The following QKI variants were observed in gnomAD, a reference collection of about 807,000 sequenced individuals.
The protein encoded by QKI is QKI, KH domain containing RNA binding, also known as KH domain-containing RNA-binding protein QKI.
Under a neutral mutation model 39.0 loss-of-function variants are expected in QKI, and 10 were observed. The ratio of observed to expected loss-of-function variants is 0.26; its 90% CI spans 0.16 to 0.43. The LOEUF is 0.43. QKI is among the 20% of genes least tolerant of loss of function. The pLI is 1.00. For missense variants in QKI, 218 were observed against 428.0 expected (o/e 0.51, Z 4.33); for synonymous variants, 204 against 155.4 (o/e 1.31, Z -2.33).
At position 163,415,251 on chromosome 6, in the gene QKI, C is replaced by G; in HGVS notation, c.58C>G (p.Gln20Glu). ...KPKPTPDYLM[Q>E]LMNDKKLMSS... ...GAAGCCCACCCCAGATTACCTGATG[C>G]AGCTGATGAACGACAAGAAGCTCAT... Residue 20 changes from glutamine (Q) to glutamate (E), a missense_variant, in exon 1 of 8, where the codon CAG (glutamine) becomes GAG (glutamate). This residue lies in a region of QKI where 40 missense variants were observed against 48.7 expected (regional missense o/e 0.82). Transcript: ENST00000361752. 1.3e-6 allele frequency: 2 copies of G among 1,598,536 alleles called. No homozygotes were observed. The highest frequency in any genetic ancestry group is 1.7e-6 in the Non-Finnish European group (2 of 1,170,334).
chr6:163,480,259 TTCTCTCTC>T (rs372934674), intron 3 of QKI, among the ~76,000 whole-genome samples: 14 of 149,554 alleles, frequency 9.4e-5, no homozygotes, highest in African/African-American at 2.9e-4. Context: ...GTCTGTCTCT[TTCTCTCTC>T]TCTCTCTCTC....
At chr6:163,562,837 A>G (rs1290854234) in intron 5 of QKI, among the ~76,000 whole-genome samples, 5 of 152,240 alleles carry the variant, frequency 3.3e-5, no homozygotes, top group Admixed American at 3.3e-4. Flanking sequence ...AATTGTTGAC[A>G]TTAATTTACT....
intron 1 of QKI, among the ~76,000 whole-genome samples, chr6:163,425,179 A>G (rs544627165): frequency 2.0e-5 from 3 of 152,314 alleles, no homozygotes; most frequent in South Asian, 2.1e-4. Flanking sequence ...AACAGCTGGT[A>G]TGATTTAATG....
intron 1 of QKI, among the ~76,000 whole-genome samples, chr6:163,452,169 T>C (rs1389117144): frequency 6.6e-6 from 1 of 152,208 alleles, no homozygotes; most frequent in East Asian, 1.9e-4. Flanking sequence ...CAGAACTTGC[T>C]CTGACTCGAG....
Position 163,571,446 on chromosome 6 carries a change from A to G in QKI, c.*736A>G, listed in dbSNP as rs1326292785. On this transcript the variant is annotated 3_prime_UTR_variant, in exon 8 of 8. Coordinates refer to ENST00000361752, the MANE Select transcript of QKI (RefSeq NM_006775.3). ...CTGAATCTTTATTTTACACCTAAAAAAATATGAGAACAAGGTACATGCATT... is the reference window on the plus strand; with the variant it reads ...CTGAATCTTTATTTTACACCTAAAAGAATATGAGAACAAGGTACATGCATT... 6.6e-6 allele frequency: 1 copy of G among 152,236 alleles called. No individual in the cohort carries two copies. The highest frequency in any genetic ancestry group is 2.4e-5 in the African/African-American group (1 of 41,460). 9.4% of individuals were successfully genotyped at this position (152,236 alleles called of 1,614,324 possible). A position where few individuals can be genotyped will look rare whatever the true frequency, so the allele number is the denominator to read the frequency against.
chr6:163,538,086 T>G (rs1781310288), intron 4 of QKI, among the ~76,000 whole-genome samples: 1 of 152,234 alleles, frequency 6.6e-6, no homozygotes, highest in Non-Finnish European at 1.5e-5. Flanking sequence ...TTTGAATTTC[T>G]TAAAGCTTCA....
At chr6:163,429,434 T>C (rs1443183765) in intron 1 of QKI, among the ~76,000 whole-genome samples, 1 of 152,190 alleles carries the variant, frequency 6.6e-6, no homozygotes, top group Admixed American at 6.5e-5. Context: ...TCCTTGCCAT[T>C]TCATATTCTT....
chr6:163,450,611 A>G (rs1414678691), intron 1 of QKI, among the ~76,000 whole-genome samples: 2 of 152,172 alleles, frequency 1.3e-5, no homozygotes, highest in African/African-American at 2.4e-5. Flanking sequence ...GAATTAACTG[A>G]CAGTTGAGCC....
At chr6:163,530,257 T>C (rs1056077500) in intron 3 of QKI, among the ~76,000 whole-genome samples, 4 of 152,200 alleles carry the variant, frequency 2.6e-5, no homozygotes, top group Non-Finnish European at 4.4e-5. Context: ...TACAGCATTT[T>C]TGGTGTGCGT....
At chr6:163,449,440 CAGAT>C (rs1017602106) in intron 1 of QKI, among the ~76,000 whole-genome samples, 47 of 152,108 alleles carry the variant, frequency 3.1e-4, no homozygotes, top group Non-Finnish European at 4.9e-4. Flanking sequence ...AAAGAAACAG[CAGAT>C]AGATACCCAG....
intron 2 of QKI, chr6:163,457,250 A>G: frequency 2.2e-6 from 1 of 449,162 alleles, no homozygotes; most frequent in South Asian, 1.6e-5. Flanking sequence ...CATCTCTTAA[A>G]AAAAGAAATC....
At chr6:163,445,011 C>T (rs557390530) in intron 1 of QKI, among the ~76,000 whole-genome samples, 72 of 152,136 alleles carry the variant, frequency 4.7e-4, no homozygotes, top group African/African-American at 1.7e-3. Flanking sequence ...TGGGCTCAAG[C>T]GATCTTTCCA....
intron 1 of QKI, among the ~76,000 whole-genome samples, chr6:163,431,028 C>G (rs1031848576): frequency 3.3e-5 from 5 of 152,038 alleles, no homozygotes; most frequent in Admixed American, 6.6e-5. Context: ...TTCTTTTATT[C>G]TTGGTACTAG....
At chr6:163,523,905 A>G (rs1331437066) in intron 3 of QKI, among the ~76,000 whole-genome samples, 1 of 152,220 alleles carries the variant, frequency 6.6e-6, no homozygotes, top group Non-Finnish European at 1.5e-5. Flanking sequence ...GATCTTAAGT[A>G]TCATTTTAGA....
intron 4 of QKI, among the ~76,000 whole-genome samples, chr6:163,539,192 G>A (rs1425524575): frequency 6.6e-6 from 1 of 152,184 alleles, no homozygotes; most frequent in African/African-American, 2.4e-5. Flanking sequence ...GGAGCCCCTG[G>A]ATTTGGAGGA....
intron 3 of QKI, among the ~76,000 whole-genome samples, chr6:163,523,051 T>TATA (rs1471017591): frequency 1.3e-5 from 2 of 152,204 alleles, no homozygotes. Flanking sequence ...AATCCTAATA[T>TATA]ATAACATTAG....
intron 1 of QKI, among the ~76,000 whole-genome samples, chr6:163,430,554 G>A (rs1388434303): frequency 6.6e-6 from 1 of 152,090 alleles, no homozygotes; most frequent in Non-Finnish European, 1.5e-5. Flanking sequence ...TTGATCAGGA[G>A]CATGGAGGAA....
chr6:163,439,507 A>T (rs1789590481), intron 1 of QKI, among the ~76,000 whole-genome samples: 1 of 149,292 alleles, frequency 6.7e-6, no homozygotes, highest in Admixed American at 6.7e-5. Flanking sequence ...GCCACCACAC[A>T]TGGCTAATTT....
intron 4 of QKI, among the ~76,000 whole-genome samples, chr6:163,557,851 T>C (rs1193672226): frequency 6.6e-6 from 1 of 152,130 alleles, no homozygotes; most frequent in Non-Finnish European, 1.5e-5. Context: ...TGACTGGATA[T>C]TGCACTTAAG....
Sources: gnomAD v4.1 joint callset for allele counts (sites outside exome capture counted in the v4.1 genomes callset) on GRCh38, gnomAD v4.1.1 for gene constraint, gnomAD v4.1.1 regional missense constraint, MANE v1.5 for transcripts, NCBI Gene and HGNC (gene_info 2026-07-23, HGNC 2026-07-21) for gene names.